The following CSMD1 variants were observed in gnomAD, a reference collection of about 807,000 sequenced individuals.
CSMD1 encodes CUB and sushi domain-containing protein 1.
In CSMD1, 213 loss-of-function variants were observed where a neutral mutation model predicts 417.5. That is an observed-to-expected ratio of 0.51 (90% CI 0.46 to 0.57). The LOEUF (loss-of-function observed/expected upper bound fraction) is 0.57, where lower values mean the gene tolerates loss of function less well. Ranked by LOEUF, CSMD1 falls within the 20% of genes least tolerant of loss-of-function variation. The pLI, the probability that CSMD1 is intolerant of heterozygous loss-of-function variation, is 0.00. For missense variants in CSMD1, 6,923 were observed against 4,529.7 expected, an observed-to-expected ratio of 1.53 and a Z score of -15.17; for synonymous variants, 2,862 against 1,736.8, an observed-to-expected ratio of 1.65 and a Z score of -16.11.
chr8:4,993,894 G>C (rs539489959), intron 1 of CSMD1, among the ~76,000 whole-genome samples: 1 of 152,090 alleles, frequency 6.6e-6, no homozygotes, highest in Non-Finnish European at 1.5e-5. Context: ...AACTTTCCAG[G>C]CCGGCTTCAC....
intron 8 of CSMD1, among the ~76,000 whole-genome samples, chr8:3,591,259 G>T (rs13259862): frequency 0.33 from 49,776 of 151,996 alleles, 9,864 homozygotes; most frequent in Middle Eastern, 0.44. Flanking sequence ...ATACAACAGG[G>T]AAACATACAT....
intron 2 of CSMD1, among the ~76,000 whole-genome samples, chr8:4,506,272 C>T (rs532896967): frequency 4.1e-4 from 63 of 152,126 alleles, no homozygotes; most frequent in Admixed American, 7.2e-4. Flanking sequence ...CAGGAACAGA[C>T]GGATTCATGG....
At chr8:3,093,953 T>C (rs1351686378) in intron 47 of CSMD1, among the ~76,000 whole-genome samples, 1 of 152,140 alleles carries the variant, frequency 6.6e-6, no homozygotes, top group African/African-American at 2.4e-5. Context: ...GGTATGTTGG[T>C]TTGCTTTTTG....
At chr8:3,154,245 T>C (rs552347332) in intron 39 of CSMD1, among the ~76,000 whole-genome samples, 109 of 152,356 alleles carry the variant, frequency 7.2e-4, no homozygotes, top group African/African-American at 2.5e-3. Context: ...AGTGAGGGGA[T>C]TACAGGCCTG....
chr8:4,881,238 G>A lies in CSMD1; in HGVS notation c.85+113094C>T, dbSNP rs138989349. On this transcript the variant is annotated intron_variant, in intron 1 of 69. Transcript: ENST00000635120. ...TAGGTCCATTCTAGTACTTCTCACT[G>A]AGTTATCAATATGTGGTCTCTCTGT... Among the ~76,000 whole-genome samples the A allele has an allele frequency of 6.6e-5, 10 of 152,212 alleles. No homozygotes were observed. In the East Asian group the frequency reaches 1.9e-3, roughly 29 times the overall value.
At chr8:4,292,027 T>C (rs1433288478) in intron 3 of CSMD1, among the ~76,000 whole-genome samples, 1 of 152,100 alleles carries the variant, frequency 6.6e-6, no homozygotes, top group East Asian at 1.9e-4. Context: ...CATTATTACC[T>C]AGTTACTTTA....
intron 33 of CSMD1, among the ~76,000 whole-genome samples, chr8:3,198,031 G>C (rs1796796515): frequency 1.3e-5 from 2 of 152,002 alleles, no homozygotes; most frequent in South Asian, 2.1e-4. Flanking sequence ...ATACTCTTGA[G>C]GACAAGAAAA....
At chr8:4,722,841 A>G (rs1809149266) in intron 1 of CSMD1, among the ~76,000 whole-genome samples, 1 of 152,152 alleles carries the variant, frequency 6.6e-6, no homozygotes, top group Non-Finnish European at 1.5e-5. Context: ...TACTACTGGA[A>G]TGACACTGCT....
chr8:3,387,313 C>A (rs543835032), intron 18 of CSMD1, among the ~76,000 whole-genome samples, 181 bp downstream of exon 18: 2 of 152,178 alleles, frequency 1.3e-5, no homozygotes, highest in African/African-American at 2.4e-5. Flanking sequence ...AGTACATACA[C>A]GGTGGTAGGT....
At chr8:3,321,668 G>C (rs1910374) in intron 23 of CSMD1, among the ~76,000 whole-genome samples, 12,315 of 151,928 alleles carry the variant, frequency 0.081, 849 homozygotes, top group African/African-American at 0.18. Flanking sequence ...TATTTAACTG[G>C]TGCTTATTTT....
chr8:3,537,459 A>G (rs993604849), intron 10 of CSMD1, among the ~76,000 whole-genome samples: 1 of 152,244 alleles, frequency 6.6e-6, no homozygotes, highest in Non-Finnish European at 1.5e-5. Context: ...TAATTGTAAC[A>G]TAATAAAATA....
At chr8:4,861,972 T>C (rs970014885) in intron 1 of CSMD1, among the ~76,000 whole-genome samples, 2 of 152,124 alleles carry the variant, frequency 1.3e-5, no homozygotes, top group Non-Finnish European at 2.9e-5. Flanking sequence ...TAGAATATTA[T>C]GCATTAACTA....
intron 1 of CSMD1, among the ~76,000 whole-genome samples, chr8:4,702,106 C>T (rs576988032): frequency 6.6e-6 from 1 of 152,102 alleles, no homozygotes; most frequent in Non-Finnish European, 1.5e-5. Flanking sequence ...TGGAGCCTGT[C>T]AGGGATGAGG....
intron 3 of CSMD1, among the ~76,000 whole-genome samples, chr8:4,163,968 G>T (rs1052947459): frequency 1.3e-5 from 2 of 152,068 alleles, no homozygotes; most frequent in Non-Finnish European, 1.5e-5. Flanking sequence ...TTAATTTTAG[G>T]GTGGTGATGT....
intron 3 of CSMD1, among the ~76,000 whole-genome samples, chr8:4,294,312 T>C (rs1797545085): frequency 6.6e-6 from 1 of 152,172 alleles, no homozygotes; most frequent in South Asian, 2.1e-4. Flanking sequence ...TTTTAATAAA[T>C]AATACGTGCA....
intron 21 of CSMD1, among the ~76,000 whole-genome samples, 162 bp downstream of exon 21, chr8:3,358,990 T>G (rs541694683): frequency 3.3e-5 from 5 of 152,222 alleles, no homozygotes; most frequent in Middle Eastern, 3.4e-3. Flanking sequence ...CCAGAGCAGT[T>G]AGGCAGCTCC....
At chr8:3,410,050 C>A (rs1028914928) in intron 12 of CSMD1, among the ~76,000 whole-genome samples, 1 of 152,022 alleles carries the variant, frequency 6.6e-6, no homozygotes, top group Non-Finnish European at 1.5e-5. Context: ...ATATTCTTTC[C>A]CTAAAATGAA....
At chr8:3,668,395 T>C (rs752317384) in intron 7 of CSMD1, among the ~76,000 whole-genome samples, 18 of 152,164 alleles carry the variant, frequency 1.2e-4, no homozygotes, top group Non-Finnish European at 2.1e-4. Context: ...TTTAAATATG[T>C]ATTTTTAAGA....
chr8:4,129,190 T>C (rs997925973), intron 3 of CSMD1, among the ~76,000 whole-genome samples: 1 of 152,060 alleles, frequency 6.6e-6, no homozygotes, highest in Admixed American at 6.6e-5. Flanking sequence ...ACTTTCAACA[T>C]CTACACTTAA....
Sources: gnomAD v4.1 joint callset for allele counts (sites outside exome capture counted in the v4.1 genomes callset) on GRCh38, gnomAD v4.1.1 for gene constraint, MANE v1.5 for transcripts, NCBI Gene and HGNC (gene_info 2026-07-23, HGNC 2026-07-21) for gene names.